The following ATXN7L1 variants were observed in gnomAD, a reference collection of about 807,000 sequenced individuals.
The protein encoded by ATXN7L1 is ataxin-7-like protein 1.
A neutral mutation model predicts 70.8 loss-of-function variants in ATXN7L1; 15 were observed. The observed-to-expected ratio is 0.21, with a 90% confidence interval of 0.14 to 0.33. The LOEUF is 0.33. Ranked by LOEUF, ATXN7L1 falls within the 10% of genes least tolerant of loss-of-function variation. The probability of loss-of-function intolerance (pLI) is 1.00; values close to 1 mark genes in which losing one functional copy is unlikely to be tolerated. For synonymous variants in ATXN7L1, 440 were observed against 445.1 expected (o/e 0.99, Z 0.14); for missense variants, 975 against 1,097.1 (o/e 0.89, Z 1.57).
At chr7:105,716,782 A>G (rs1243080924) in intron 3 of ATXN7L1, among the ~76,000 whole-genome samples, 1 of 151,166 alleles carries the variant, frequency 6.6e-6, no homozygotes, top group Non-Finnish European at 1.5e-5. Flanking sequence ...TGAGGGGGTG[A>G]GGCAGGAGGA....
At chr7:105,805,009 A>C (rs1807350815) in intron 2 of ATXN7L1, among the ~76,000 whole-genome samples, 1 of 152,220 alleles carries the variant, frequency 6.6e-6, no homozygotes, top group South Asian at 2.1e-4. Flanking sequence ...GCATTTACCA[A>C]ATGTCCAAGA....
chr7:105,725,903 C>CTT (rs34850752), intron 3 of ATXN7L1, among the ~76,000 whole-genome samples: 9 of 130,736 alleles, frequency 6.9e-5, no homozygotes, highest in Non-Finnish European at 1.1e-4. Context: ...TTCTTTCTTT[C>CTT]TTTTTTTTTT....
At chr7:105,821,491 G>A (rs1047185007) in intron 2 of ATXN7L1, among the ~76,000 whole-genome samples, 1 of 152,194 alleles carries the variant, frequency 6.6e-6, no homozygotes, top group Non-Finnish European at 1.5e-5. Context: ...AAAGGAGATC[G>A]CTAGTCTCCT....
chr7:105,684,846 T>C (rs1024829224), intron 3 of ATXN7L1, among the ~76,000 whole-genome samples: 3 of 152,180 alleles, frequency 2.0e-5, no homozygotes, highest in Non-Finnish European at 2.9e-5. Context: ...TACCGAACCA[T>C]GTGCCATTCA....
chr7:105,644,466 G>A (rs1286916707), intron 4 of ATXN7L1, among the ~76,000 whole-genome samples: 1 of 152,204 alleles, frequency 6.6e-6, no homozygotes, highest in African/African-American at 2.4e-5. Flanking sequence ...CAAGTCCCAT[G>A]TGAGGGGAAA....
At chr7:105,711,944 C>A (rs1793972650) in intron 3 of ATXN7L1, among the ~76,000 whole-genome samples, 1 of 152,276 alleles carries the variant, frequency 6.6e-6, no homozygotes, top group Non-Finnish European at 1.5e-5. Flanking sequence ...GACATCCAGG[C>A]ATTTTCCATA....
At chr7:105,688,269 C>T (rs953123571) in intron 3 of ATXN7L1, among the ~76,000 whole-genome samples, 2 of 152,156 alleles carry the variant, frequency 1.3e-5, no homozygotes, top group African/African-American at 2.4e-5. Context: ...GGGACGGACA[C>T]GGTGGTTCAT....
rs183385312 is a variant in ATXN7L1 at position 105,779,447 on chromosome 7, A to T, written c.355+9157T>A. The stretch of plus-strand genomic sequence containing the variant: ...GAGCAGTAGCAAGTCCAAAATATAA[A>T]AACTTGAAGTGAAGCAAAACATGGT... On this transcript the variant is annotated intron_variant, in intron 3 of 11. Coordinates refer to ENST00000419735, the MANE Select transcript of ATXN7L1 (RefSeq NM_020725.2). Among the ~76,000 whole-genome samples, 334 of 152,298 alleles carry T rather than the reference A, an allele frequency of 2.2e-3. 9 individuals carry two copies. The highest frequency in any genetic ancestry group is 0.018 in the Admixed American group (271 of 15,304).
intron 3 of ATXN7L1, among the ~76,000 whole-genome samples, chr7:105,755,137 T>A (rs541478061): frequency 1.1e-4 from 16 of 152,234 alleles, no homozygotes; most frequent in Non-Finnish European, 2.2e-4. Flanking sequence ...ATACTCTTTA[T>A]GGTTTTACCC....
chr7:105,754,400 T>C (rs73717272), intron 3 of ATXN7L1, among the ~76,000 whole-genome samples: 20,514 of 151,740 alleles, frequency 0.14, 1,457 homozygotes, highest in South Asian at 0.23. Flanking sequence ...TTTCTTTCTT[T>C]CTTTTTTTTT....
intron 4 of ATXN7L1, among the ~76,000 whole-genome samples, chr7:105,661,324 G>T (rs529558944): frequency 6.6e-6 from 1 of 152,246 alleles, no homozygotes; most frequent in South Asian, 2.1e-4. Flanking sequence ...GGGTAGAGAT[G>T]GGGGGAAATC....
intron 3 of ATXN7L1, among the ~76,000 whole-genome samples, chr7:105,747,692 C>T (rs1798733874): frequency 6.6e-6 from 1 of 152,120 alleles, no homozygotes; most frequent in Non-Finnish European, 1.5e-5. Context: ...GGGACTGAGC[C>T]CTCACCCTAT....
intron 4 of ATXN7L1, among the ~76,000 whole-genome samples, chr7:105,658,756 A>G (rs899098021): frequency 6.6e-6 from 1 of 151,898 alleles, no homozygotes; most frequent in African/African-American, 2.4e-5. Flanking sequence ...CTGGTCTCGA[A>G]CTCTTGACCT....
At chr7:105,754,660 A>G (rs1799596413) in intron 3 of ATXN7L1, among the ~76,000 whole-genome samples, 1 of 152,136 alleles carries the variant, frequency 6.6e-6, no homozygotes, top group African/African-American at 2.4e-5. Flanking sequence ...GGATCTCACT[A>G]TGTTGGCCAG....
At chr7:105,695,715 C>G (rs988764762) in intron 3 of ATXN7L1, among the ~76,000 whole-genome samples, 1 of 152,178 alleles carries the variant, frequency 6.6e-6, no homozygotes, top group Non-Finnish European at 1.5e-5. Context: ...TAGGCCTTTG[C>G]TGAGTTCTTT....
intron 2 of ATXN7L1, among the ~76,000 whole-genome samples, chr7:105,839,634 A>C (rs527792067): frequency 6.6e-5 from 10 of 152,302 alleles, no homozygotes; most frequent in Admixed American, 2.6e-4. Flanking sequence ...GGAAGAACTT[A>C]AACACCCCAC....
intron 2 of ATXN7L1, among the ~76,000 whole-genome samples, chr7:105,853,827 A>C (rs1284412750): frequency 1.3e-5 from 2 of 152,180 alleles, no homozygotes; most frequent in Non-Finnish European, 2.9e-5. Context: ...TGTGGCTTTA[A>C]CAAAAAGGGC....
At position 105,614,517 on chromosome 7, in the gene ATXN7L1, G is replaced by A. The variant is rs778680974; in HGVS notation, c.1817C>T (p.Pro606Leu). The change falls in exon 10 of 12, where the codon CCG becomes CTG. Residue 606 changes from proline to leucine, a missense_variant. This residue lies in a region of ATXN7L1 where 635 missense variants were observed against 699.4 expected (regional missense o/e 0.91). Transcript: ENST00000419735. The surrounding 1 kb of genome is among the most constrained non-coding windows in gnomAD (Gnocchi z 4.3). ...STFKAPSAVS[P>L]IPAVIPSPSH... ...TGGGGAAGGGATGACGGCTGGTATCGGGGACACGGCGGATGGGGCCTTGAA... is the reference window on the plus strand; with the variant it reads ...TGGGGAAGGGATGACGGCTGGTATCAGGGACACGGCGGATGGGGCCTTGAA... The A allele has an allele frequency of 2.9e-5, 44 of 1,533,954 alleles. No individual in the cohort carries two copies. The highest frequency in any genetic ancestry group is 1.8e-4 in the Admixed American group (9 of 49,820).
intron 3 of ATXN7L1, among the ~76,000 whole-genome samples, chr7:105,735,261 C>T (rs1194191780): frequency 6.6e-6 from 1 of 151,956 alleles, no homozygotes; most frequent in Non-Finnish European, 1.5e-5. Flanking sequence ...ATTGTATAAA[C>T]ACTGCCAACC....
Sources: allele counts gnomAD v4.1 joint callset (sites outside exome capture counted in the v4.1 genomes callset), GRCh38; gene constraint gnomAD v4.1.1; regional missense constraint gnomAD v4.1.1; non-coding constraint Gnocchi (gnomAD v3.1); transcripts MANE v1.5; gene names NCBI Gene and HGNC (gene_info 2026-07-23, HGNC 2026-07-21).